KLHL2: variants seen among roughly 807,000 people sequenced by gnomAD.
KLHL2 encodes the protein kelch like family member 2, also known as kelch-like protein 2.
KLHL2 carries 15 observed loss-of-function variants against 75.8 expected under a neutral mutation model. The observed-to-expected ratio is 0.20, with a 90% confidence interval of 0.13 to 0.30. The LOEUF (loss-of-function observed/expected upper bound fraction) is 0.30, where lower values mean the gene tolerates loss of function less well. Ranked by LOEUF, KLHL2 falls within the 10% of genes least tolerant of loss-of-function variation. The probability of loss-of-function intolerance (pLI) is 1.00; values close to 1 mark genes in which losing one functional copy is unlikely to be tolerated. For missense variants in KLHL2, 381 were observed against 741.0 expected, an observed-to-expected ratio of 0.51 and a Z score of 5.64; for synonymous variants, 214 against 251.9, an observed-to-expected ratio of 0.85 and a Z score of 1.42.
chr4:165,315,719 C>T (rs1167670175), intron 13 of KLHL2, among the ~76,000 whole-genome samples: 1 of 152,066 alleles, frequency 6.6e-6, no homozygotes, highest in African/African-American at 2.4e-5. Flanking sequence ...TCAGCTCTTC[C>T]TTTTTAATAA....
chr4:165,300,207 G>A (rs1745241634), intron 8 of KLHL2, among the ~76,000 whole-genome samples: 1 of 151,376 alleles, frequency 6.6e-6, no homozygotes, highest in African/African-American at 2.4e-5. Context: ...AGAATCACCT[G>A]AACCCAGGAG....
chr4:165,220,379 A>G (rs1179380983), intron 2 of KLHL2, among the ~76,000 whole-genome samples: 2 of 152,194 alleles, frequency 1.3e-5, no homozygotes, highest in Non-Finnish European at 2.9e-5. Context: ...TTTTAAATAT[A>G]TTGATTCCAT....
chr4:165,279,353 A>G, intron 5 of KLHL2: 1 of 1,580,428 alleles, frequency 6.3e-7, no homozygotes, highest in Non-Finnish European at 8.7e-7. Flanking sequence ...GTCCCAGACT[A>G]CGGTGGTTTC....
rs760543186 is a variant in KLHL2 at position 165,264,682 on chromosome 4, ATG to A, written c.544+1345_544+1346del. On this transcript the variant is annotated intron_variant, in intron 5 of 14. Transcript: ENST00000226725. ...CATATATGTCTACATACGTATATGT[ATG>A]TGTGTGTGTGTGTGTGTGTGTATAT... Among the ~76,000 whole-genome samples the A allele has an allele frequency of 4.7e-3, 321 of 68,660 alleles. 13 individuals carry two copies. The East Asian group carries it at 0.13, about 28-fold the overall frequency. The allele number at this position is 68,660 out of a possible 152,430, so 45.0% of individuals were successfully genotyped here. A position where few individuals can be genotyped will look rare whatever the true frequency, so the allele number is the denominator to read the frequency against.
At chr4:165,274,441 C>G (rs780549016) in intron 5 of KLHL2, among the ~76,000 whole-genome samples, 108 of 152,176 alleles carry the variant, frequency 7.1e-4, no homozygotes, top group Non-Finnish European at 1.3e-3. Context: ...AACCCTGTCT[C>G]TACTAAAAAT....
intron 1 of KLHL2, among the ~76,000 whole-genome samples, chr4:165,218,085 C>T (rs763397809): frequency 3.9e-5 from 6 of 152,156 alleles, no homozygotes; most frequent in East Asian, 3.9e-4. Flanking sequence ...ACCTCCACTG[C>T]GACTGTCCTC....
intron 8 of KLHL2, among the ~76,000 whole-genome samples, chr4:165,304,738 C>T (rs770287348): frequency 5.3e-5 from 8 of 152,170 alleles, no homozygotes; most frequent in African/African-American, 9.7e-5. Context: ...GTAGCAGTTA[C>T]GTCTATACTA....
chr4:165,310,988 G>T (rs1277993929), intron 10 of KLHL2, among the ~76,000 whole-genome samples: 1 of 151,712 alleles, frequency 6.6e-6, no homozygotes, highest in African/African-American at 2.4e-5. Flanking sequence ...CCGAGCAGCT[G>T]GGACTATAGG....
intron 5 of KLHL2, among the ~76,000 whole-genome samples, chr4:165,274,312 A>G (rs1742909504): frequency 6.6e-6 from 1 of 152,194 alleles, no homozygotes; most frequent in Non-Finnish European, 1.5e-5. Flanking sequence ...GACTGCACAT[A>G]AGAAGAGCAC....
At chr4:165,239,449 G>C (rs1739632640) in intron 4 of KLHL2, among the ~76,000 whole-genome samples, 2 of 151,618 alleles carry the variant, frequency 1.3e-5, no homozygotes. Flanking sequence ...TTATTTTTTT[G>C]TAGAGAGGTC....
intron 4 of KLHL2, among the ~76,000 whole-genome samples, chr4:165,261,282 CCTA>C (rs1741650965): frequency 6.6e-6 from 1 of 152,188 alleles, no homozygotes; most frequent in Non-Finnish European, 1.5e-5. Context: ...CATAATGAAA[CCTA>C]CTATACATAT....
At chr4:165,208,892 T>A (rs927602527) in intron 1 of KLHL2, among the ~76,000 whole-genome samples, 48 of 152,190 alleles carry the variant, frequency 3.2e-4, no homozygotes, top group African/African-American at 1.0e-3. Context: ...CTTCACTCCA[T>A]GCCGATTGTA....
chr4:165,235,325 C>G (rs1192459879), intron 3 of KLHL2, among the ~76,000 whole-genome samples: 1 of 152,162 alleles, frequency 6.6e-6, no homozygotes, highest in Non-Finnish European at 1.5e-5. Flanking sequence ...CTCAGCCTCT[C>G]ACGTAGCTGG....
At chr4:165,292,060 G>GT (rs534489933) in intron 5 of KLHL2, among the ~76,000 whole-genome samples, 17 of 151,906 alleles carry the variant, frequency 1.1e-4, no homozygotes, top group Non-Finnish European at 2.4e-4. Context: ...TGCTATAGTT[G>GT]TTTTTTATTG....
At chr4:165,222,347 A>G (rs1348944264) in intron 2 of KLHL2, among the ~76,000 whole-genome samples, 2 of 151,978 alleles carry the variant, frequency 1.3e-5, no homozygotes, top group Non-Finnish European at 2.9e-5. Flanking sequence ...TGGCCCTAGG[A>G]TTATTTATAA....
chr4:165,279,319 G>A (rs749115192), intron 5 of KLHL2: 3 of 1,560,556 alleles, frequency 1.9e-6, no homozygotes, highest in East Asian at 2.2e-5. Context: ...CCACAGCATT[G>A]TAGAGAGGCT....
intron 9 of KLHL2, among the ~76,000 whole-genome samples, chr4:165,308,058 C>G (rs570806629): frequency 1.3e-5 from 2 of 152,242 alleles, no homozygotes; most frequent in Admixed American, 1.3e-4. Flanking sequence ...ATTCATGCAT[C>G]AAGACAAAGC....
At chr4:165,228,615 A>G (rs1035791598) in intron 2 of KLHL2, among the ~76,000 whole-genome samples, 192 bp from the exon 3 acceptor site, 8 of 152,168 alleles carry the variant, frequency 5.3e-5, no homozygotes, top group African/African-American at 1.9e-4. Context: ...TGAGAGTCCA[A>G]GGCATGTTGG....
At chr4:165,279,927 C>T (rs1204372074) in intron 5 of KLHL2, among the ~76,000 whole-genome samples, 1 of 152,204 alleles carries the variant, frequency 6.6e-6, no homozygotes, top group Non-Finnish European at 1.5e-5. Flanking sequence ...TGTTGGCTCA[C>T]GTGAGACTCC....
Sources: allele counts gnomAD v4.1 joint callset (sites outside exome capture counted in the v4.1 genomes callset), GRCh38; gene constraint gnomAD v4.1.1; transcripts MANE v1.5; gene names NCBI Gene and HGNC (gene_info 2026-07-23, HGNC 2026-07-21).